Variants in MTMR8 observed in about 807,000 individuals in gnomAD.
The protein encoded by MTMR8 is phosphatidylinositol-3,5-bisphosphate 3-phosphatase MTMR8.
In MTMR8, 65 loss-of-function variants were observed where a neutral mutation model predicts 39.3. The observed-to-expected ratio is 1.65, with a 90% CI of 1.35 to 2.03. MTMR8 has a LOEUF of 2.03. Ranked by LOEUF, MTMR8 falls within the 30% of genes most tolerant of loss-of-function variation. The probability of loss-of-function intolerance (pLI) is 0.00; values close to 1 mark genes in which losing one functional copy is unlikely to be tolerated. For synonymous variants in MTMR8, 245 were observed against 185.2 expected, an observed-to-expected ratio of 1.32 and a Z score of -2.62; for missense variants, 777 against 538.9, an observed-to-expected ratio of 1.44 and a Z score of -4.37.
At chrX:64,300,326 A>G (rs1196306575) in intron 12 of MTMR8, among the ~76,000 whole-genome samples, 1 of 111,609 alleles carries the variant, frequency 9.0e-6, no homozygotes, top group African/African-American at 3.3e-5. Flanking sequence ...TCCCTTTACC[A>G]TTATGTAATG....
At chrX:64,374,098 A>C (rs906855445) in intron 1 of MTMR8, among the ~76,000 whole-genome samples, 2 of 112,086 alleles carry the variant, frequency 1.8e-5, no homozygotes, top group East Asian at 5.6e-4. Flanking sequence ...TAAAAGTAGA[A>C]TGTATGAGAC....
chrX:64,370,363 G>T (rs1924095397), intron 1 of MTMR8, among the ~76,000 whole-genome samples: 1 of 108,354 alleles, frequency 9.2e-6, no homozygotes, highest in South Asian at 4.0e-4. Flanking sequence ...TTTACAAAAT[G>T]AAAATTTTCA....
At chrX:64,275,788 A>G (rs1931860835) in intron 12 of MTMR8, among the ~76,000 whole-genome samples, 1 of 111,483 alleles carries the variant, frequency 9.0e-6, no homozygotes, top group Non-Finnish European at 1.9e-5. Flanking sequence ...ACAGAAAAGG[A>G]GATATTACAA....
intron 12 of MTMR8, among the ~76,000 whole-genome samples, chrX:64,288,303 C>G (rs1473801474): frequency 9.0e-6 from 1 of 111,006 alleles, no homozygotes; most frequent in Non-Finnish European, 1.9e-5. Context: ...AAATGCAAAT[C>G]AAAACCACTA....
At chrX:64,320,759 A>G (rs754868998) in intron 12 of MTMR8, among the ~76,000 whole-genome samples, 1 of 111,470 alleles carries the variant, frequency 9.0e-6, no homozygotes, top group East Asian at 2.8e-4. Context: ...TATTCTCAGA[A>G]AATATGTGAA....
chrX:64,283,286 C>T (rs901742014), intron 12 of MTMR8, among the ~76,000 whole-genome samples: 3 of 111,646 alleles, frequency 2.7e-5, no homozygotes, highest in East Asian at 5.6e-4. Flanking sequence ...GAGGGGTGCC[C>T]GCCATTGCTG....
At chrX:64,289,049 T>C (rs1375550840) in intron 12 of MTMR8, among the ~76,000 whole-genome samples, 2 of 109,520 alleles carry the variant, frequency 1.8e-5, no homozygotes, top group Non-Finnish European at 3.8e-5. Flanking sequence ...ATCCAGAATA[T>C]ATTAAAAACT....
At chrX:64,330,968 G>C (rs773276078) in intron 11 of MTMR8, among the ~76,000 whole-genome samples, 1 of 111,484 alleles carries the variant, frequency 9.0e-6, no homozygotes, top group Non-Finnish European at 1.9e-5. Context: ...AGAGGGAAAG[G>C]GTAGGAAGCG....
intron 1 of MTMR8, among the ~76,000 whole-genome samples, chrX:64,368,905 A>C (rs913699317): frequency 2.7e-5 from 3 of 112,414 alleles, no homozygotes; most frequent in African/African-American, 9.7e-5. Context: ...ATTTAAACAA[A>C]ATTACAAGAA....
At chrX:64,327,955 T>C (rs1241811549) in intron 12 of MTMR8, among the ~76,000 whole-genome samples, 3 of 112,203 alleles carry the variant, frequency 2.7e-5, no homozygotes, top group Non-Finnish European at 5.6e-5. Flanking sequence ...GCATAATCAC[T>C]CTATACCTCA....
chrX:64,376,675 T>C (rs1052094827), intron 1 of MTMR8, among the ~76,000 whole-genome samples: 16 of 112,673 alleles, frequency 1.4e-4, no homozygotes, highest in Non-Finnish European at 2.6e-4. Context: ...CATAAAAGTT[T>C]AGAAAACTTG....
chrX:64,358,691 A>T (rs749471365), intron 2 of MTMR8, among the ~76,000 whole-genome samples: 31 of 111,373 alleles, frequency 2.8e-4, no homozygotes, highest in Non-Finnish European at 5.1e-4. Context: ...TTATAAATGG[A>T]GAGGTCTAAG....
chrX:64,382,594 T>A (rs1352774093), intron 1 of MTMR8, among the ~76,000 whole-genome samples: 26 of 111,392 alleles, frequency 2.3e-4, no homozygotes, highest in African/African-American at 8.5e-4. Flanking sequence ...ATACCCTTTC[T>A]TTCCTTCTCC....
chrX:64,380,840 C>T (rs1042954519), intron 1 of MTMR8, among the ~76,000 whole-genome samples: 61 of 111,275 alleles, frequency 5.5e-4, no homozygotes, highest in Non-Finnish European at 9.0e-4. Flanking sequence ...TGACAACATG[C>T]GGTGTTTGGT....
At chrX:64,275,187 C>T (rs938315430) in intron 12 of MTMR8, among the ~76,000 whole-genome samples, 1 of 109,121 alleles carries the variant, frequency 9.2e-6, no homozygotes, top group East Asian at 2.9e-4. Flanking sequence ...TTATGACTGG[C>T]CAATTAAAAA....
At chrX:64,273,121 T>TA (rs1362250339) in intron 12 of MTMR8, among the ~76,000 whole-genome samples, 2 of 111,698 alleles carry the variant, frequency 1.8e-5, no homozygotes, top group Admixed American at 1.9e-4. Flanking sequence ...TAAAAAAGTA[T>TA]AAAAGTTGTT....
At chrX:64,344,252 G>A (rs767352229) in intron 7 of MTMR8, among the ~76,000 whole-genome samples, 11 of 111,308 alleles carry the variant, frequency 9.9e-5, no homozygotes, top group South Asian at 3.8e-4. Flanking sequence ...AATATTCTGG[G>A]GCAAAAAAGA....
At chrX:64,364,574 A>T (rs1314475084) in intron 1 of MTMR8, among the ~76,000 whole-genome samples, 1 of 112,011 alleles carries the variant, frequency 8.9e-6, no homozygotes, top group African/African-American at 3.2e-5. Context: ...CATCATCAAC[A>T]AAAAGGACGT....
At chrX:64,380,799 G>A (rs986431001) in intron 1 of MTMR8, among the ~76,000 whole-genome samples, 3 of 111,105 alleles carry the variant, frequency 2.7e-5, no homozygotes, top group African/African-American at 9.8e-5. Flanking sequence ...CTGTGTCCAT[G>A]TGTTCTCATT....
Sources: allele counts gnomAD v4.1 joint callset (sites outside exome capture counted in the v4.1 genomes callset), GRCh38; gene constraint gnomAD v4.1.1; transcripts MANE v1.5; gene names NCBI Gene and HGNC (gene_info 2026-07-23, HGNC 2026-07-21).